The following PCDHA2 variants were observed in gnomAD, a reference collection of about 807,000 sequenced individuals.
The protein encoded by PCDHA2 is protocadherin alpha-2.
A neutral mutation model predicts 66.0 loss-of-function variants in PCDHA2; 58 were observed. That is an observed-to-expected ratio of 0.88 (90% confidence interval 0.71 to 1.09). The LOEUF (loss-of-function observed/expected upper bound fraction) is 1.09, where lower values mean the gene tolerates loss of function less well. Among genes scored for constraint, PCDHA2 ranks in the 50% least tolerant of loss-of-function variants. The pLI is 0.00. For missense variants in PCDHA2, 1,267 were observed against 1,242.3 expected, an observed-to-expected ratio of 1.02 and a Z score of -0.30; for synonymous variants, 634 against 554.0, an observed-to-expected ratio of 1.14 and a Z score of -2.03.
rs782115498 is a variant in PCDHA2, at chr5:140,856,112, G to C, written c.2388+58760G>C. ...GCTGCTCTCGCTTCTTCTCCTCGCA[G>C]CCTGGGAGGTGGGGAGCGGCCAGCT... On this transcript the variant is annotated intron_variant, in intron 1 of 3. Coordinates refer to ENST00000526136, the MANE Select transcript of PCDHA2 (RefSeq NM_018905.3). The C allele has an allele frequency of 2.5e-6, 4 of 1,598,194 alleles. 1 individual carries two copies. The South Asian group carries it at 4.4e-5, about 18-fold the overall frequency.
chr5:140,850,431 C>T (rs2150484020), intron 1 of PCDHA2: 3 of 1,597,912 alleles, frequency 1.9e-6, no homozygotes, highest in Non-Finnish European at 1.7e-6. Flanking sequence ...ACCGCGCCAG[C>T]GCCTACTGGT....
chr5:140,807,310 C>G (rs1554123873), intron 1 of PCDHA2: 1 of 1,614,114 alleles, frequency 6.2e-7, no homozygotes, highest in South Asian at 1.1e-5. Flanking sequence ...AGGCCAAACA[C>G]GGCACCTTCG....
chr5:141,008,837 C>G (rs1460664317), intron 3 of PCDHA2, among the ~76,000 whole-genome samples: 1 of 152,178 alleles, frequency 6.6e-6, no homozygotes, highest in Non-Finnish European at 1.5e-5. Flanking sequence ...CATCCTCTTA[C>G]GCTGTGTATT....
chr5:140,929,065 C>G, intron 1 of PCDHA2: 1 of 1,614,194 alleles, frequency 6.2e-7, no homozygotes. Context: ...TACAGAGGAT[C>G]TGAGGTATGG....
At chr5:140,876,815 T>A in intron 1 of PCDHA2, 2 of 1,614,148 alleles carry the variant, frequency 1.2e-6, no homozygotes, top group Non-Finnish European at 1.7e-6. Flanking sequence ...GTGGCCGACG[T>A]GAACGACAAT....
At chr5:140,857,656 G>A (rs1269090821) in intron 1 of PCDHA2, 4 of 1,596,690 alleles carry the variant, frequency 2.5e-6, no homozygotes, top group Admixed American at 3.4e-5. Flanking sequence ...AGGTGAGCGC[G>A]CGCGATGGGG....
At chr5:140,946,631 T>TATATATACAC (rs57893927) in intron 1 of PCDHA2, among the ~76,000 whole-genome samples, 11,667 of 131,732 alleles carry the variant, frequency 0.089, 743 homozygotes, top group Middle Eastern at 0.14. Context: ...TATATATATA[T>TATATATACAC]ACAATGGAAT....
At chr5:140,800,940 T>G in intron 1 of PCDHA2, 1 of 1,006,206 alleles carries the variant, frequency 9.9e-7, no homozygotes, top group East Asian at 3.4e-5. Context: ...TTTGGGAAAG[T>G]TCAAACGACA....
intron 1 of PCDHA2, chr5:140,829,549 G>A (rs2150169844): frequency 6.2e-7 from 1 of 1,612,924 alleles, no homozygotes; most frequent in Non-Finnish European, 8.5e-7. Flanking sequence ...ACGCGCAGGA[G>A]AACGCGCTGG....
At chr5:140,894,652 A>G (rs578187402) in intron 1 of PCDHA2, among the ~76,000 whole-genome samples, 234 of 151,944 alleles carry the variant, frequency 1.5e-3, no homozygotes, top group African/African-American at 4.9e-3. Flanking sequence ...GAGTCTCTCT[A>G]ATTCTGATTT....
In PCDHA2 at chr5:141,009,945, A is replaced by C. The variant is rs2098415489; in HGVS notation, c.*8A>C. 5.0e-6 allele frequency: 8 copies of C among 1,596,112 alleles called. No homozygotes were observed. The highest frequency in any genetic ancestry group is 6.8e-6 in the Non-Finnish European group (8 of 1,173,736). On this transcript the variant is annotated 3_prime_UTR_variant, in exon 4 of 4. Coordinates refer to ENST00000526136, the MANE Select transcript of PCDHA2 (RefSeq NM_018905.3). ...GACAACAGTGACCAGTGAGGTCCTCAAATGGAAACAAGCCACTTAGCCAGT... is the reference window on the plus strand; with the variant it reads ...GACAACAGTGACCAGTGAGGTCCTCCAATGGAAACAAGCCACTTAGCCAGT...
intron 1 of PCDHA2, among the ~76,000 whole-genome samples, chr5:140,820,106 C>A (rs1196354953): frequency 1.3e-5 from 2 of 151,742 alleles, no homozygotes; most frequent in African/African-American, 4.8e-5. Context: ...TTATCATTTT[C>A]TTATGTTTTT....
intron 1 of PCDHA2, chr5:140,966,863 C>G: frequency 6.4e-7 from 1 of 1,562,680 alleles, no homozygotes; most frequent in Non-Finnish European, 8.6e-7. Flanking sequence ...GCTGCTGTTG[C>G]TGCTGCTGCT....
chr5:140,877,409 G>C lies in PCDHA2; in HGVS notation c.2388+80057G>C, dbSNP rs782157769. The C allele has an allele frequency of 8.1e-6, 13 of 1,613,802 alleles. No homozygotes were observed. The highest frequency in any genetic ancestry group is 1.0e-5 in the Non-Finnish European group (12 of 1,179,880). Reference sequence around the variant, plus strand: ...GATGAGGCGGACGCTCCGCGCCACCGCCTGCTGGTGCTGGTGAAGGACCAC... The same window carrying C: ...GATGAGGCGGACGCTCCGCGCCACCCCCTGCTGGTGCTGGTGAAGGACCAC... On this transcript the variant is annotated intron_variant, in intron 1 of 3. Transcript: ENST00000526136.
intron 1 of PCDHA2, among the ~76,000 whole-genome samples, chr5:140,925,773 A>G (rs2082712352): frequency 6.6e-6 from 1 of 151,966 alleles, no homozygotes; most frequent in African/African-American, 2.4e-5. Context: ...TCCTGGTCAA[A>G]CTCTAATGAG....
intron 3 of PCDHA2, among the ~76,000 whole-genome samples, chr5:140,988,219 G>C (rs976112285): frequency 1.3e-5 from 2 of 152,132 alleles, no homozygotes; most frequent in African/African-American, 2.4e-5. Flanking sequence ...AAAAAAATGA[G>C]ATCAGGGATC....
intron 1 of PCDHA2, chr5:140,870,911 A>C (rs782609021): frequency 6.2e-7 from 1 of 1,613,910 alleles, no homozygotes; most frequent in Non-Finnish European, 8.5e-7. Context: ...TCAGGCTACA[A>C]CGCGTGGCTT....
At chr5:140,806,893 A>T in intron 1 of PCDHA2, 1 of 441,892 alleles carries the variant, frequency 2.3e-6, no homozygotes, top group Non-Finnish European at 4.1e-6. Flanking sequence ...ATGTATTCCT[A>T]TTCTCCGAAA....
chr5:140,874,124 TTTAAG>T (rs373641315), intron 1 of PCDHA2, among the ~76,000 whole-genome samples: 322 of 152,384 alleles, frequency 2.1e-3, no homozygotes, highest in African/African-American at 7.5e-3. Context: ...TTATAGTTTA[TTTAAG>T]TTATCTTATA....
Sources: allele counts gnomAD v4.1 joint callset (sites outside exome capture counted in the v4.1 genomes callset), GRCh38; gene constraint gnomAD v4.1.1; transcripts MANE v1.5; gene names NCBI Gene and HGNC (gene_info 2026-07-23, HGNC 2026-07-21).